Variants in ZKSCAN8 observed in about 807,000 individuals in gnomAD.
ZKSCAN8 encodes zinc finger protein with KRAB and SCAN domains 8.
In ZKSCAN8, 27 loss-of-function variants were observed where a neutral mutation model predicts 57.2. That is an observed-to-expected ratio of 0.47 (90% CI 0.35 to 0.65). The LOEUF (loss-of-function observed/expected upper bound fraction) is 0.65, where lower values mean the gene tolerates loss of function less well. ZKSCAN8 is among the 30% of genes least tolerant of loss of function. The pLI, the probability that ZKSCAN8 is intolerant of heterozygous loss-of-function variation, is 0.01. For missense variants in ZKSCAN8, 597 were observed against 696.3 expected (o/e 0.86, Z 1.60); for synonymous variants, 214 against 248.7 (o/e 0.86, Z 1.31).
chr6:28,146,415 A>G (rs1765396907), intron 1 of ZKSCAN8, among the ~76,000 whole-genome samples: 1 of 152,234 alleles, frequency 6.6e-6, no homozygotes, highest in African/African-American at 2.4e-5. Context: ...TTTAAAGGCA[A>G]CAGTATTTTA....
At chr6:28,152,004 T>C (rs375195340) in intron 4 of ZKSCAN8, 68 bp downstream of exon 4, 3 of 1,557,086 alleles carry the variant, frequency 1.9e-6, no homozygotes, top group East Asian at 4.5e-5. Flanking sequence ...ATCTGCCCTA[T>C]ATCTTGACTG....
In ZKSCAN8 at chr6:28,153,606, T is replaced by G; in HGVS notation, c.1326T>G (p.Ala442=). The change falls in exon 6 of 6, where the codon GCT becomes GCG. Residue 442 remains alanine, a synonymous_variant. Transcript: ENST00000330236. ...ATGAATGTAATGAGTGTGGGAAAGC[T>G]TTCAGTCATAGCTCACACCTCATTG... ...RPYECNECGK[A]FSHSSHLIGH... The G allele has an allele frequency of 1.2e-6, 2 of 1,607,012 alleles. No individual in the cohort carries two copies. Among genetic ancestry groups the G allele is most frequent in the Non-Finnish European group, 1.7e-6 (2 of 1,177,732 alleles).
At chr6:28,148,905 A>T (rs978880262) in intron 2 of ZKSCAN8, 81 bp downstream of exon 2, 1 of 1,462,030 alleles carries the variant, frequency 6.8e-7, no homozygotes, top group African/African-American at 1.4e-5. Flanking sequence ...ACAGTGGGAG[A>T]GCAGATGCTT....
intron 3 of ZKSCAN8, 95 bp from the exon 4 acceptor site, chr6:28,151,750 T>C: frequency 2.0e-6 from 2 of 1,020,264 alleles, no homozygotes; most frequent in African/African-American, 3.2e-5. Flanking sequence ...TACATGTATA[T>C]CTGCTGAAAT....
rs1276010739 is a variant in ZKSCAN8, at chr6:28,144,968, A to G, written c.-93+2939A>G. ...GCTACTCGGGAGGCCGAGGCAGGAG[A>G]ATGGCGTGAACCCGGGAGGCGGAGG... On this transcript the variant is annotated intron_variant, in intron 1 of 5. Transcript: ENST00000330236. This position sits in a 1 kb window ranked among gnomAD's most constrained non-coding sequence, Gnocchi z 4.5. Among the ~76,000 whole-genome samples, 3 of 152,160 alleles carry G rather than the reference A, an allele frequency of 2.0e-5. No individual in the cohort carries two copies.
rs1765471317 is a variant in ZKSCAN8, at chr6:28,148,371, G to GTA, written c.-36_-35dup. ...GTCTTCTCTTAAGAAGATAAAGAAG[G>GTA]TAGTGGAAACGAACTTCCTGAGCTT... On this transcript the variant is annotated 5_prime_UTR_variant, in exon 2 of 6. Coordinates refer to ENST00000330236, the MANE Select transcript of ZKSCAN8 (RefSeq NM_006298.4). 1.3e-6 allele frequency: 2 copies of GTA among 1,582,168 alleles called. No homozygotes were observed. Among genetic ancestry groups the GTA allele is most frequent in the Non-Finnish European group, 1.7e-6 (2 of 1,164,078 alleles).
Position 28,148,388 on chromosome 6 carries a change from C to T in ZKSCAN8, c.-20C>T. ...TAAAGAAGGTAGTGGAAACGAACTT[C>T]CTGAGCTTTTCAGGCTCTAATGGCT... On this transcript the variant is annotated 5_prime_UTR_variant, in exon 2 of 6. Transcript: ENST00000330236. 1 of 1,597,028 alleles carries T rather than the reference C, an allele frequency of 6.3e-7. No homozygotes were observed. The highest frequency in any genetic ancestry group is 8.5e-7 in the Non-Finnish European group (1 of 1,170,500).
In ZKSCAN8 at chr6:28,155,469, A is replaced by G. The variant is rs1765753302; in HGVS notation, c.*1452A>G. The stretch of plus-strand genomic sequence containing the variant: ...GGAACACTCTTAGAATTCCCATTTA[A>G]TAAACCATATGAGAAAACCCTCTAT... On this transcript the variant is annotated 3_prime_UTR_variant, in exon 6 of 6. Coordinates refer to ENST00000330236, the MANE Select transcript of ZKSCAN8 (RefSeq NM_006298.4). 1 of 152,204 alleles carries G rather than the reference A, an allele frequency of 6.6e-6. No individual in the cohort carries two copies. Among genetic ancestry groups the G allele is most frequent in the Admixed American group, 6.5e-5 (1 of 15,278 alleles). 9.4% of individuals were successfully genotyped at this position (152,204 alleles called of 1,614,324 possible). A position where few individuals can be genotyped will look rare whatever the true frequency, so the allele number is the denominator to read the frequency against.
chr6:28,156,154 T>C lies in ZKSCAN8; in HGVS notation c.*2137T>C. On this transcript the variant is annotated 3_prime_UTR_variant, in exon 6 of 6. Transcript: ENST00000330236. Reference sequence around the variant, plus strand: ...TGCATTGTCAGAGGGAAAATATATGTGTATGTACACATGTGTATGTACACA... The same window carrying C: ...TGCATTGTCAGAGGGAAAATATATGCGTATGTACACATGTGTATGTACACA... 2 of 398,348 alleles carry C rather than the reference T, an allele frequency of 5.0e-6. No homozygotes were observed. Among genetic ancestry groups the C allele is most frequent in the Non-Finnish European group, 4.4e-6 (1 of 225,894 alleles). The allele number at this position is 398,348 out of a possible 1,614,324, so 24.7% of individuals were successfully genotyped here.
rs1257833365 is a variant in ZKSCAN8, at chr6:28,159,346, T to C, written c.*5329T>C. On this transcript the variant is annotated 3_prime_UTR_variant, in exon 6 of 6. Transcript: ENST00000330236. ...ATTTGTATTTATTTCCAAAATTAAATTGTAAGCTCCTTGAGGGCAGGAATA... is the reference window on the plus strand; with the variant it reads ...ATTTGTATTTATTTCCAAAATTAAACTGTAAGCTCCTTGAGGGCAGGAATA... The C allele has an allele frequency of 2.0e-5, 3 of 152,264 alleles. No homozygotes were observed. The highest frequency in any genetic ancestry group is 7.2e-5 in the African/African-American group (3 of 41,472). The allele number at this position is 152,264 out of a possible 1,614,324, so 9.4% of individuals were successfully genotyped here. A position where few individuals can be genotyped will look rare whatever the true frequency, so the allele number is the denominator to read the frequency against.
At chr6:28,151,741 A>G (rs1765596610) in intron 3 of ZKSCAN8, 104 bp from the exon 4 acceptor site, 5 of 916,890 alleles carry the variant, frequency 5.5e-6, no homozygotes. Context: ...TCTTTGGCAT[A>G]CATGTATATC....
In ZKSCAN8 at chr6:28,156,995, T is replaced by C. The variant is rs1336941314; in HGVS notation, c.*2978T>C. On this transcript the variant is annotated 3_prime_UTR_variant, in exon 6 of 6. Transcript: ENST00000330236. The stretch of plus-strand genomic sequence containing the variant: ...ACTTACTATGTGCCCAACCCTGTTA[T>C]GCCTTTCTCAGGCTCATGATAAATG... 2.0e-5 allele frequency: 3 copies of C among 152,236 alleles called. No homozygotes were observed. Among genetic ancestry groups the C allele is most frequent in the Admixed American group, 2.0e-4 (3 of 15,280 alleles). The allele number at this position is 152,236 out of a possible 1,614,324, so 9.4% of individuals were successfully genotyped here. A position where few individuals can be genotyped will look rare whatever the true frequency, so the allele number is the denominator to read the frequency against.
chr6:28,147,370 A>G (rs1316020423), intron 1 of ZKSCAN8, among the ~76,000 whole-genome samples: 2 of 152,202 alleles, frequency 1.3e-5, no homozygotes, highest in African/African-American at 4.8e-5. Context: ...AATATCTAAA[A>G]TTAAAAACAA....
chr6:28,151,815 G>T, intron 3 of ZKSCAN8, 30 bp from the exon 4 acceptor site: 5 of 1,577,190 alleles, frequency 3.2e-6, no homozygotes, highest in Non-Finnish European at 3.5e-6. Flanking sequence ...GACAGGACTG[G>T]TCTCATTCAT....
intron 4 of ZKSCAN8, 145 bp downstream of exon 4, chr6:28,152,081 T>C: frequency 7.3e-7 from 1 of 1,361,592 alleles, no homozygotes; most frequent in Non-Finnish European, 1.0e-6. Flanking sequence ...GACAGATTGA[T>C]CCTGAATTTC....
At chr6:28,145,361 G>A (rs1421449424) in intron 1 of ZKSCAN8, among the ~76,000 whole-genome samples, 1 of 152,154 alleles carries the variant, frequency 6.6e-6, no homozygotes, top group Non-Finnish European at 1.5e-5. Context: ...CCACAGCCCA[G>A]AAAGGCTTTA....
chr6:28,152,925 C>A, intron 5 of ZKSCAN8, 131 bp from the exon 6 acceptor site: 1 of 1,298,300 alleles, frequency 7.7e-7, no homozygotes, highest in Non-Finnish European at 1.1e-6. Flanking sequence ...ATTTTGGAGA[C>A]AGAAGTTTTG....
At chr6:28,147,419 T>C (rs1765434382) in intron 1 of ZKSCAN8, among the ~76,000 whole-genome samples, 1 of 152,246 alleles carries the variant, frequency 6.6e-6, no homozygotes, top group African/African-American at 2.4e-5. Flanking sequence ...AAAACAGTTT[T>C]GCAGTTTCTT....
intron 3 of ZKSCAN8, 28 bp downstream of exon 3, chr6:28,149,652 AG>A (rs777989317): frequency 2.5e-6 from 4 of 1,610,426 alleles, no homozygotes; most frequent in Non-Finnish European, 2.5e-6. Flanking sequence ...ATTGATGATA[AG>A]GGGGGGAAGT....
Sources: allele counts gnomAD v4.1 joint callset (sites outside exome capture counted in the v4.1 genomes callset), GRCh38; gene constraint gnomAD v4.1.1; non-coding constraint Gnocchi (gnomAD v3.1); transcripts MANE v1.5; gene names NCBI Gene and HGNC (gene_info 2026-07-23, HGNC 2026-07-21).